EDIL3: variants seen among roughly 807,000 people sequenced by gnomAD.
EDIL3 encodes EGF-like repeat and discoidin I-like domain-containing protein 3.
A neutral mutation model predicts 67.4 loss-of-function variants in EDIL3; 37 were observed. That is an observed-to-expected ratio of 0.55 (90% confidence interval 0.42 to 0.72). The LOEUF (loss-of-function observed/expected upper bound fraction) is 0.72, where lower values mean the gene tolerates loss of function less well. Among genes scored for constraint, EDIL3 ranks in the 30% least tolerant of loss-of-function variants. The pLI is 0.00. For missense variants in EDIL3, 527 were observed against 586.3 expected, an observed-to-expected ratio of 0.90 and a Z score of 1.04; for synonymous variants, 195 against 196.3, an observed-to-expected ratio of 0.99 and a Z score of 0.05.
intron 9 of EDIL3, among the ~76,000 whole-genome samples, chr5:84,032,517 A>T (rs531471848): frequency 1.6e-4 from 25 of 152,186 alleles, no homozygotes; most frequent in Admixed American, 1.3e-3. Flanking sequence ...CTTTTTTTTT[A>T]AATAAACTAA....
At chr5:84,182,422 T>C (rs1317344231) in intron 3 of EDIL3, among the ~76,000 whole-genome samples, 19 of 151,558 alleles carry the variant, frequency 1.3e-4, no homozygotes, top group Non-Finnish European at 1.5e-5. Flanking sequence ...CACCACTGCA[T>C]GCCAGCCTGT....
At chr5:84,135,385 T>A (rs1748073113) in intron 5 of EDIL3, among the ~76,000 whole-genome samples, 1 of 152,196 alleles carries the variant, frequency 6.6e-6, no homozygotes, top group Non-Finnish European at 1.5e-5. Context: ...CGAAGTTCCT[T>A]CCTGGAAGGT....
chr5:84,137,476 C>T, intron 4 of EDIL3, 122 bp from the exon 5 acceptor site: 1 of 750,358 alleles, frequency 1.3e-6, no homozygotes, highest in South Asian at 1.9e-5. Flanking sequence ...TGTGTGTAGG[C>T]ATGTGTGTGT....
chr5:84,004,361 T>C (rs1057219952), intron 9 of EDIL3, among the ~76,000 whole-genome samples: 3 of 152,084 alleles, frequency 2.0e-5, no homozygotes, highest in Admixed American at 1.3e-4. Context: ...CCAAAGAGAA[T>C]AGAACATACA....
chr5:83,943,358 T>C lies in EDIL3; in HGVS notation c.*61A>G, dbSNP rs1744258439. The stretch of plus-strand genomic sequence containing the variant: ...TCAGTTTCCTACAGATTTTGCACAG[T>C]TCATTCCATGGAGATACTTTTAGGG... On this transcript the variant is annotated 3_prime_UTR_variant, in exon 11 of 11. Coordinates refer to ENST00000296591, the MANE Select transcript of EDIL3 (RefSeq NM_005711.5). 1 of 1,604,806 alleles carries C rather than the reference T, an allele frequency of 6.2e-7. No individual in the cohort carries two copies. The highest frequency in any genetic ancestry group is 1.3e-5 in the African/African-American group (1 of 74,302).
At chr5:84,060,029 C>A (rs375441719) in intron 9 of EDIL3, among the ~76,000 whole-genome samples, 2 of 152,130 alleles carry the variant, frequency 1.3e-5, no homozygotes, top group African/African-American at 4.8e-5. Context: ...TGCAAATGCT[C>A]TCCTAATCAA....
At chr5:84,208,414 T>A (rs1744033704) in intron 3 of EDIL3, among the ~76,000 whole-genome samples, 2 of 151,434 alleles carry the variant, frequency 1.3e-5, no homozygotes, top group South Asian at 4.2e-4. Flanking sequence ...GCGCGGTGGC[T>A]CACGCCTGTA....
chr5:84,211,646 A>G (rs939310275), intron 3 of EDIL3, among the ~76,000 whole-genome samples: 4 of 152,186 alleles, frequency 2.6e-5, no homozygotes, highest in African/African-American at 9.6e-5. Context: ...AGTGGTCACA[A>G]GTCAATGAAG....
chr5:84,380,151 A>G (rs1024609190), intron 1 of EDIL3, among the ~76,000 whole-genome samples: 3 of 152,024 alleles, frequency 2.0e-5, no homozygotes, highest in African/African-American at 7.2e-5. Flanking sequence ...CTATAAATAC[A>G]TGTTTGCTTT....
chr5:84,089,127 A>T (rs548081319), intron 6 of EDIL3, among the ~76,000 whole-genome samples: 14 of 152,182 alleles, frequency 9.2e-5, no homozygotes, highest in African/African-American at 3.4e-4. Context: ...TATCTCTTTC[A>T]ACTCTAAGTG....
chr5:84,325,415 G>A (rs1300510473), intron 1 of EDIL3, among the ~76,000 whole-genome samples: 3 of 151,858 alleles, frequency 2.0e-5, no homozygotes, highest in Non-Finnish European at 2.9e-5. Flanking sequence ...GGGAAAATGT[G>A]AAGAAAAACT....
At chr5:84,106,596 G>C in intron 6 of EDIL3, 53 bp downstream of exon 6, 2 of 1,494,490 alleles carry the variant, frequency 1.3e-6, no homozygotes, top group Non-Finnish European at 1.8e-6. Context: ...AAAATGACCA[G>C]AATCATTTAA....
chr5:84,017,627 G>A (rs1745630785), intron 9 of EDIL3, among the ~76,000 whole-genome samples: 1 of 152,138 alleles, frequency 6.6e-6, no homozygotes, highest in African/African-American at 2.4e-5. Flanking sequence ...TATAATAACT[G>A]TGGGATCTGC....
rs1305574776 is a variant in EDIL3, at chr5:84,187,276, A to AT, written c.227-6756_227-6755insA. ...AAGCAGTAGATCTATATGGTTTGCT[A>AT]CTTTTCTGCATCTATCTCCTCACAA... On this transcript the variant is annotated intron_variant, in intron 3 of 10. Coordinates refer to ENST00000296591, the MANE Select transcript of EDIL3 (RefSeq NM_005711.5). 5.0e-4 allele frequency among the ~76,000 whole-genome samples: 76 copies of AT among 152,198 alleles called. 1 individual carries two copies. Among genetic ancestry groups the AT allele is most frequent in the African/African-American group, 1.8e-3 (73 of 41,564 alleles).
At chr5:84,280,402 A>G (rs1429076236) in intron 1 of EDIL3, among the ~76,000 whole-genome samples, 1 of 152,144 alleles carries the variant, frequency 6.6e-6, no homozygotes, top group Non-Finnish European at 1.5e-5. Flanking sequence ...TTTTCTGTAC[A>G]ATTACTCTAC....
chr5:84,341,869 T>C (rs1161651549), intron 1 of EDIL3, among the ~76,000 whole-genome samples: 9 of 152,070 alleles, frequency 5.9e-5, no homozygotes, highest in Non-Finnish European at 1.0e-4. Flanking sequence ...AGGAGTATAA[T>C]GCAAGTATTA....
At chr5:84,235,259 C>A (rs981492945) in intron 2 of EDIL3, among the ~76,000 whole-genome samples, 9 of 152,096 alleles carry the variant, frequency 5.9e-5, no homozygotes, top group Admixed American at 5.2e-4. Context: ...TTTCCTCTGG[C>A]CAAATATTTC....
At chr5:83,963,875 ATT>A (rs1744647118) in intron 9 of EDIL3, among the ~76,000 whole-genome samples, 1 of 151,854 alleles carries the variant, frequency 6.6e-6, no homozygotes, top group African/African-American at 2.4e-5. Context: ...GTTTCCATAA[ATT>A]TTAATCAATT....
Position 84,254,177 on chromosome 5 carries a change from C to G in EDIL3, c.103G>C (p.Gly35Arg), listed in dbSNP as rs759434143. The change falls in exon 2 of 11, where the codon GGT (glycine) becomes CGT (arginine). Residue 35 changes from glycine (G) to arginine (R), a missense_variant. Transcript: ENST00000296591. ...ICDPNPCENGGICLPGLADGS... is the reference protein window; with the variant it reads ...ICDPNPCENGRICLPGLADGS... ...TCAGCCAATCCTGGCAAACAGATAC[C>G]TCCATTTTCACATGGATTGGGATCA... is the stretch of plus-strand genomic sequence containing the variant. 6 of 1,612,264 alleles carry G rather than the reference C, an allele frequency of 3.7e-6. No individual in the cohort carries two copies. In the Admixed American group the frequency reaches 6.7e-5, roughly 18 times the overall value.
Sources: gnomAD v4.1 joint callset for allele counts (sites outside exome capture counted in the v4.1 genomes callset) on GRCh38, gnomAD v4.1.1 for gene constraint, MANE v1.5 for transcripts, NCBI Gene and HGNC (gene_info 2026-07-23, HGNC 2026-07-21) for gene names.